The following FAM163A variants were observed in gnomAD, a reference collection of about 807,000 sequenced individuals.
The protein encoded by FAM163A is protein FAM163A.
FAM163A carries 7 observed loss-of-function variants against 12.0 expected under a neutral mutation model. That is an observed-to-expected ratio of 0.58 (90% CI 0.33 to 1.10). FAM163A has a LOEUF of 1.10. Ranked by LOEUF, FAM163A falls within the 50% of genes least tolerant of loss-of-function variation. The probability of loss-of-function intolerance (pLI) is 0.03; values close to 1 mark genes in which losing one functional copy is unlikely to be tolerated. For missense variants in FAM163A, 202 were observed against 218.6 expected (o/e 0.92, Z 0.48); for synonymous variants, 101 against 91.0 (o/e 1.11, Z -0.62).
the FAM163A span, among the ~76,000 whole-genome samples, chr1:179,728,590 C>T: frequency 6.6e-6 from 1 of 152,152 alleles, no homozygotes; most frequent in Non-Finnish European, 1.5e-5. Flanking sequence ...GGTTTTCTGG[C>T]ATCTCCATAT....
intron 1 of FAM163A, among the ~76,000 whole-genome samples, chr1:179,761,494 C>T (rs558682220): frequency 5.3e-5 from 8 of 152,312 alleles, no homozygotes; most frequent in Admixed American, 4.6e-4. Context: ...GCCAGGAAAG[C>T]ATAAAGTCTT....
rs1451014773 is a variant in FAM163A at position 179,813,059 on chromosome 1, T to A, written c.-22-17T>A. 3.2e-6 allele frequency: 5 copies of A among 1,549,844 alleles called. No homozygotes were observed. The stretch of plus-strand genomic sequence containing the variant: ...TGCAGCCACAGCTGGTCCTCAGCCC[T>A]CCGCACATCTTTGCAGAGTTTGATG... On this transcript the variant is annotated splice_polypyrimidine_tract_variant and intron_variant, in intron 3 of 4. Coordinates refer to ENST00000341785, the MANE Select transcript of FAM163A (RefSeq NM_173509.3).
chr1:179,746,753 G>A (rs531495920), intron 1 of FAM163A, among the ~76,000 whole-genome samples: 1 of 152,258 alleles, frequency 6.6e-6, no homozygotes, highest in Admixed American at 6.5e-5. Context: ...ACATTGTGGG[G>A]TGACGTACCC....
chr1:179,749,103 G>A (rs1684903897), intron 1 of FAM163A, among the ~76,000 whole-genome samples: 1 of 152,234 alleles, frequency 6.6e-6, no homozygotes, highest in South Asian at 2.1e-4. Context: ...ACTGGAGTAA[G>A]AGTGCTGGTG....
At chr1:179,737,126 A>T in the FAM163A span, among the ~76,000 whole-genome samples, 3 of 152,228 alleles carry the variant, frequency 2.0e-5, no homozygotes, top group Admixed American at 2.0e-4. Context: ...ACTGACATGT[A>T]AGGAGAAAAA....
At chr1:179,783,265 C>T (rs1264523493) in intron 1 of FAM163A, among the ~76,000 whole-genome samples, 2 of 152,012 alleles carry the variant, frequency 1.3e-5, no homozygotes, top group African/African-American at 4.8e-5. Context: ...TGGGGAAAGA[C>T]TTAACTGTTG....
At chr1:179,749,520 C>T (rs1404163292) in intron 1 of FAM163A, among the ~76,000 whole-genome samples, 1 of 152,158 alleles carries the variant, frequency 6.6e-6, no homozygotes, top group Non-Finnish European at 1.5e-5. Flanking sequence ...AACTGTGGGG[C>T]TTTTTGGAGA....
At chr1:179,806,742 C>T (rs549678635) in intron 1 of FAM163A, among the ~76,000 whole-genome samples, 1 of 152,348 alleles carries the variant, frequency 6.6e-6, no homozygotes, top group South Asian at 2.1e-4. Flanking sequence ...GGGCATCCCT[C>T]CTCTCCCTCC....
chr1:179,785,384 G>A (rs2148208850), intron 1 of FAM163A, among the ~76,000 whole-genome samples: 1 of 152,252 alleles, frequency 6.6e-6, no homozygotes, highest in Admixed American at 6.5e-5. Flanking sequence ...TTCCAACTGA[G>A]GTTTTCTTTG....
chr1:179,744,988 G>T (rs1557885197), intron 1 of FAM163A, among the ~76,000 whole-genome samples: 1 of 152,202 alleles, frequency 6.6e-6, no homozygotes. Context: ...TGAAATACTT[G>T]CATGTAACAG....
At chr1:179,734,888 G>A in the FAM163A span, among the ~76,000 whole-genome samples, 3 of 152,202 alleles carry the variant, frequency 2.0e-5, no homozygotes, top group African/African-American at 7.2e-5. Flanking sequence ...TTAGGTAAGA[G>A]AGGAAGAGCT....
intron 1 of FAM163A, among the ~76,000 whole-genome samples, chr1:179,768,638 ACT>A (rs1687836764): frequency 6.7e-6 from 1 of 149,856 alleles, no homozygotes; most frequent in Admixed American, 6.7e-5. Context: ...GCGGAGTCTC[ACT>A]CTGTCGCCAG....
chr1:179,797,136 G>C (rs920453518), intron 1 of FAM163A, among the ~76,000 whole-genome samples: 1 of 152,200 alleles, frequency 6.6e-6, no homozygotes, highest in South Asian at 2.1e-4. Flanking sequence ...AGAGAAGTCA[G>C]AGTGTGTTTC....
intron 1 of FAM163A, among the ~76,000 whole-genome samples, chr1:179,761,304 T>C (rs1214842494): frequency 6.6e-6 from 1 of 152,224 alleles, no homozygotes; most frequent in East Asian, 1.9e-4. Flanking sequence ...ATTACTTTTA[T>C]GATAAGAAGC....
In FAM163A at chr1:179,815,046, T is replaced by C. The variant is rs563081848; in HGVS notation, c.*857T>C. On this transcript the variant is annotated 3_prime_UTR_variant, in exon 5 of 5. Transcript: ENST00000341785. Reference sequence around the variant, plus strand: ...CCAGCCCACCACGCCGAGTAGCTTGTGTGGATGCAGTCCTGTGAGGGTGTG... The same window carrying C: ...CCAGCCCACCACGCCGAGTAGCTTGCGTGGATGCAGTCCTGTGAGGGTGTG... The C allele has an allele frequency of 4.6e-5, 7 of 152,384 alleles. No individual in the cohort carries two copies. Among genetic ancestry groups the C allele is most frequent in the Admixed American group, 1.3e-4 (2 of 15,304 alleles). 9.4% of individuals were successfully genotyped at this position (152,384 alleles called of 1,614,324 possible).
chr1:179,783,725 T>TTTTATATATATATATA (rs1690129771), intron 1 of FAM163A, among the ~76,000 whole-genome samples: 6 of 80,272 alleles, frequency 7.5e-5, no homozygotes, highest in South Asian at 3.7e-4. Flanking sequence ...CTTCCCAAAT[T>TTTTATATATATATATA]TTATATAATT....
At chr1:179,758,459 T>C (rs899482188) in intron 1 of FAM163A, among the ~76,000 whole-genome samples, 2 of 152,164 alleles carry the variant, frequency 1.3e-5, no homozygotes, top group African/African-American at 4.8e-5. Flanking sequence ...CCACCCCTAC[T>C]CCATCACCTT....
chr1:179,814,197 C>T lies in FAM163A; in HGVS notation c.*8C>T. The T allele has an allele frequency of 1.9e-6, 3 of 1,596,886 alleles. No homozygotes were observed. Among genetic ancestry groups the T allele is most frequent in the East Asian group, 2.2e-5 (1 of 44,626 alleles). On this transcript the variant is annotated 3_prime_UTR_variant, in exon 5 of 5. Coordinates refer to ENST00000341785, the MANE Select transcript of FAM163A (RefSeq NM_173509.3). ...ATTAGTACAGACGTGTAAATCCTTCCACCCCGACCCGCACACACACCCACA... is the reference window on the plus strand; with the variant it reads ...ATTAGTACAGACGTGTAAATCCTTCTACCCCGACCCGCACACACACCCACA...
chr1:179,775,598 G>A (rs1026062378), intron 1 of FAM163A, among the ~76,000 whole-genome samples: 1 of 152,208 alleles, frequency 6.6e-6, no homozygotes, highest in African/African-American at 2.4e-5. Context: ...GCTAGTGTCT[G>A]TAGATTCCTA....
Sources: allele counts gnomAD v4.1 joint callset (sites outside exome capture counted in the v4.1 genomes callset), GRCh38; gene constraint gnomAD v4.1.1; transcripts MANE v1.5; gene names NCBI Gene and HGNC (gene_info 2026-07-23, HGNC 2026-07-21).